The following R3HDM2 variants were observed in gnomAD, a reference collection of about 807,000 sequenced individuals.
The protein encoded by R3HDM2 is R3H domain containing 2, also known as R3H domain-containing protein 2.
R3HDM2 carries 38 observed loss-of-function variants against 124.5 expected under a neutral mutation model. The ratio of observed to expected loss-of-function variants is 0.31; its 90% CI spans 0.24 to 0.40. The LOEUF is 0.40. Ranked by LOEUF, R3HDM2 falls within the 10% of genes least tolerant of loss-of-function variation. R3HDM2 has a pLI of 1.00. For synonymous variants in R3HDM2, 391 were observed against 448.0 expected, an observed-to-expected ratio of 0.87 and a Z score of 1.61; for missense variants, 869 against 1,236.9, an observed-to-expected ratio of 0.70 and a Z score of 4.46.
At chr12:57,385,436 G>T (rs1320323888) in intron 2 of R3HDM2, among the ~76,000 whole-genome samples, 1 of 151,660 alleles carries the variant, frequency 6.6e-6, no homozygotes, top group Non-Finnish European at 1.5e-5. Context: ...TAGAGAGGGG[G>T]TTTCACCGTG....
chr12:57,320,185 C>T (rs965501598), intron 2 of R3HDM2, among the ~76,000 whole-genome samples: 3 of 134,968 alleles, frequency 2.2e-5, no homozygotes, highest in African/African-American at 8.2e-5. Context: ...CGCTTGAACC[C>T]GGGAGGTGGA....
At chr12:57,404,735 C>G (rs1447821280) in intron 1 of R3HDM2, among the ~76,000 whole-genome samples, 1 of 151,366 alleles carries the variant, frequency 6.6e-6, no homozygotes, top group Non-Finnish European at 1.5e-5. Context: ...AACAAGGTAT[C>G]TAGGTCAGCC....
At chr12:57,347,653 T>A (rs1439499580) in intron 2 of R3HDM2, among the ~76,000 whole-genome samples, 1 of 152,224 alleles carries the variant, frequency 6.6e-6, no homozygotes, top group Admixed American at 6.5e-5. Flanking sequence ...ACATGCTGTC[T>A]ACAAGGAAAA....
intron 2 of R3HDM2, among the ~76,000 whole-genome samples, chr12:57,370,196 T>C (rs1388579194): frequency 1.3e-5 from 2 of 152,164 alleles, no homozygotes; most frequent in African/African-American, 4.8e-5. Context: ...GAGTGAGTTC[T>C]CACAAGATCT....
intron 19 of R3HDM2, among the ~76,000 whole-genome samples, chr12:57,260,926 T>C (rs1271230040): frequency 6.6e-6 from 1 of 152,136 alleles, no homozygotes; most frequent in South Asian, 2.1e-4. Context: ...ACAGCATCTG[T>C]CATATCATAT....
intron 1 of R3HDM2, among the ~76,000 whole-genome samples, chr12:57,413,529 A>G (rs1436445847): frequency 6.6e-6 from 1 of 151,620 alleles, no homozygotes; most frequent in Non-Finnish European, 1.5e-5. Flanking sequence ...TGAAGTCAGG[A>G]GATCAAGACC....
intron 4 of R3HDM2, among the ~76,000 whole-genome samples, chr12:57,302,946 G>T (rs1255750018): frequency 1.3e-5 from 2 of 152,184 alleles, no homozygotes; most frequent in African/African-American, 2.4e-5. Context: ...AGCCTTTCAG[G>T]CATCAAATGT....
intron 19 of R3HDM2, among the ~76,000 whole-genome samples, chr12:57,259,660 T>C (rs1172105161): frequency 6.6e-6 from 1 of 152,156 alleles, no homozygotes; most frequent in Non-Finnish European, 1.5e-5. Flanking sequence ...AGGGGCCATA[T>C]AGGGGAAGCA....
chr12:57,266,355 CAAA>C (rs1197488584), intron 19 of R3HDM2, among the ~76,000 whole-genome samples: 1 of 152,160 alleles, frequency 6.6e-6, no homozygotes, highest in Admixed American at 6.5e-5. Flanking sequence ...CTTGGCCTCC[CAAA>C]GTGCTGGGAT....
chr12:57,393,275 G>A lies in R3HDM2; in HGVS notation c.-36+2474C>T, dbSNP rs117608211. Among the ~76,000 whole-genome samples the A allele has an allele frequency of 2.1e-3, 324 of 151,520 alleles. 9 individuals carry two copies. The East Asian group carries it at 0.051, about 24-fold the overall frequency. ...CCCACCAATATGCCCGGCTAATTTT[G>A]GAATTTTTAGTAGAAACGGGGTTTC... On this transcript the variant is annotated intron_variant, in intron 2 of 23. Transcript: ENST00000402412.
chr12:57,262,167 A>G (rs2041039686), intron 19 of R3HDM2, among the ~76,000 whole-genome samples: 1 of 152,238 alleles, frequency 6.6e-6, no homozygotes, highest in Non-Finnish European at 1.5e-5. Flanking sequence ...GATAGAATCC[A>G]ATAATATCTT....
Position 57,340,934 on chromosome 12 carries a change from C to T in R3HDM2, c.-35-30471G>A, listed in dbSNP as rs2048254126. On this transcript the variant is annotated intron_variant, in intron 2 of 23. Transcript: ENST00000402412. ...AAAATGGGTTGGGCTGTTATGCTCA[C>T]ACCTAAGAGTATATATAACAATTTC... 2.0e-5 allele frequency among the ~76,000 whole-genome samples: 3 copies of T among 151,912 alleles called. No individual in the cohort carries two copies. The South Asian group carries it at 6.2e-4, about 31-fold the overall frequency.
intron 1 of R3HDM2, among the ~76,000 whole-genome samples, chr12:57,402,850 G>A (rs560154561): frequency 6.6e-6 from 1 of 152,164 alleles, no homozygotes; most frequent in South Asian, 2.1e-4. Context: ...AGCTACTGCA[G>A]CCAGCCAAAA....
chr12:57,345,568 T>G (rs2060008787), intron 2 of R3HDM2, among the ~76,000 whole-genome samples: 1 of 151,662 alleles, frequency 6.6e-6, no homozygotes, highest in Non-Finnish European at 1.5e-5. Context: ...CAGGTCTTGC[T>G]TTAGCATCAG....
chr12:57,330,401 T>C (rs949429380), intron 2 of R3HDM2, among the ~76,000 whole-genome samples: 4 of 151,566 alleles, frequency 2.6e-5, no homozygotes, highest in African/African-American at 7.3e-5. Context: ...TGGAGTTCAA[T>C]GACACAACCT....
intron 3 of R3HDM2, among the ~76,000 whole-genome samples, chr12:57,308,417 G>C (rs752169971): frequency 4.6e-5 from 7 of 151,284 alleles, no homozygotes; most frequent in Non-Finnish European, 8.8e-5. Flanking sequence ...GATGGGGCCA[G>C]GTGCTGCCTG....
At chr12:57,334,616 A>T (rs2058625183) in intron 2 of R3HDM2, among the ~76,000 whole-genome samples, 1 of 152,180 alleles carries the variant, frequency 6.6e-6, no homozygotes, top group Admixed American at 6.6e-5. Context: ...TAGCAAAGAC[A>T]ATCAATCTAT....
At chr12:57,348,095 G>A (rs2060246207) in intron 2 of R3HDM2, among the ~76,000 whole-genome samples, 4 of 152,090 alleles carry the variant, frequency 2.6e-5, no homozygotes, top group African/African-American at 9.7e-5. Context: ...GAGGTCAAAA[G>A]GTATCAAAAT....
At chr12:57,388,400 C>T (rs540525825) in intron 2 of R3HDM2, among the ~76,000 whole-genome samples, 2 of 152,176 alleles carry the variant, frequency 1.3e-5, no homozygotes, top group East Asian at 3.9e-4. Context: ...TATTTATTAG[C>T]GAAAGTAGGA....
Sources: gnomAD v4.1 joint callset for allele counts (sites outside exome capture counted in the v4.1 genomes callset) on GRCh38, gnomAD v4.1.1 for gene constraint, MANE v1.5 for transcripts, NCBI Gene and HGNC (gene_info 2026-07-23, HGNC 2026-07-21) for gene names.